The following NSD1 variants were observed in gnomAD, a reference collection of about 807,000 sequenced individuals.
The protein encoded by NSD1 is histone-lysine N-methyltransferase, H3 lysine-36 specific.
NSD1 carries 26 observed loss-of-function variants against 242.7 expected under a neutral mutation model. That is an observed-to-expected ratio of 0.11 (90% CI 0.08 to 0.15). The LOEUF (loss-of-function observed/expected upper bound fraction) is 0.15, where lower values mean the gene tolerates loss of function less well. Among genes scored for constraint, NSD1 ranks in the 10% least tolerant of loss-of-function variants. NSD1 has a pLI of 1.00. For synonymous variants in NSD1, 1,106 were observed against 1,178.1 expected, an observed-to-expected ratio of 0.94 and a Z score of 1.25; for missense variants, 2,495 against 3,272.8, an observed-to-expected ratio of 0.76 and a Z score of 5.80.
intron 5 of NSD1, among the ~76,000 whole-genome samples, chr5:177,215,054 A>G (rs978945172): frequency 6.6e-6 from 1 of 152,186 alleles, no homozygotes; most frequent in African/African-American, 2.4e-5. Flanking sequence ...TCTTTTCCAT[A>G]CTAAAGCATC....
At chr5:177,273,977 G>A (rs1331862838) in intron 17 of NSD1, among the ~76,000 whole-genome samples, 193 bp downstream of exon 17, 4 of 152,112 alleles carry the variant, frequency 2.6e-5, no homozygotes, top group African/African-American at 4.8e-5. Flanking sequence ...AGGCCGAGGC[G>A]GGCGGATCAC....
intron 10 of NSD1, among the ~76,000 whole-genome samples, chr5:177,247,168 G>A (rs1766363678): frequency 6.6e-6 from 1 of 152,160 alleles, no homozygotes; most frequent in Non-Finnish European, 1.5e-5. Context: ...TGTGGCTCAC[G>A]CCTGTAATCC....
chr5:177,283,578 C>T (rs1308326652), intron 19 of NSD1, among the ~76,000 whole-genome samples: 2 of 152,186 alleles, frequency 1.3e-5, no homozygotes, highest in Non-Finnish European at 2.9e-5. Context: ...GAAGCACAAC[C>T]CAGGAATTTG....
chr5:177,260,545 ACCATG>A (rs1756920057), intron 14 of NSD1, among the ~76,000 whole-genome samples: 1 of 151,844 alleles, frequency 6.6e-6, no homozygotes, highest in Admixed American at 6.6e-5. Context: ...ACAGGGTTTT[ACCATG>A]TTGGCCAGGC....
intron 3 of NSD1, among the ~76,000 whole-genome samples, chr5:177,195,424 A>T (rs1002067380): frequency 6.6e-6 from 1 of 151,890 alleles, no homozygotes; most frequent in Non-Finnish European, 1.5e-5. Flanking sequence ...CCCTGTCCCT[A>T]TGACTGCTGG....
rs371775975 is a variant in NSD1 at position 177,209,813 on chromosome 5, C to T, written c.1414C>T (p.Leu472Phe). 8.1e-6 allele frequency: 13 copies of T among 1,614,004 alleles called. No individual in the cohort carries two copies. The African/African-American group carries it at 1.6e-4, about 20-fold the overall frequency. The change falls in exon 5 of 23, where the codon CTT becomes TTT. Residue 472 changes from leucine (L) to phenylalanine (F), a missense_variant. Physicochemically the swap from Leu to Phe is conservative, Grantham distance 22. Around this residue, in one of 19 missense-constraint regions of NSD1, gnomAD observed 515 missense variants for 467.0 expected, o/e 1.10. Coordinates refer to ENST00000439151, the MANE Select transcript of NSD1 (RefSeq NM_022455.5). ...TCCTGAGTCAGAACATGACCTGTTGCTTAATGGCTGTTTGAAATCACTGGC... is the reference window on the plus strand; with the variant it reads ...TCCTGAGTCAGAACATGACCTGTTGTTTAATGGCTGTTTGAAATCACTGGC... ...NDPESEHDLLLNGCLKSLAFD... is the reference protein window; with the variant it reads ...NDPESEHDLLFNGCLKSLAFD...
At chr5:177,149,858 T>C (rs1256359530) in intron 2 of NSD1, among the ~76,000 whole-genome samples, 3 of 152,148 alleles carry the variant, frequency 2.0e-5, no homozygotes, top group African/African-American at 7.2e-5. Context: ...ACCAGTACCA[T>C]TCTGTGGCCT....
intron 2 of NSD1, among the ~76,000 whole-genome samples, chr5:177,188,366 A>G (rs576260647): frequency 2.6e-5 from 4 of 152,314 alleles, no homozygotes; most frequent in Non-Finnish European, 2.9e-5. Flanking sequence ...CTTATTGTCT[A>G]TGAACGAAAG....
At chr5:177,253,939 A>ATTTTCTT (rs1756211501) in intron 12 of NSD1, among the ~76,000 whole-genome samples, 1 of 151,888 alleles carries the variant, frequency 6.6e-6, no homozygotes, top group South Asian at 2.1e-4. Flanking sequence ...TCCTGGCCAC[A>ATTTTCTT]TTTTCTTTTT....
intron 2 of NSD1, among the ~76,000 whole-genome samples, chr5:177,157,717 C>A (rs1014375572): frequency 1.3e-5 from 2 of 152,170 alleles, no homozygotes; most frequent in Non-Finnish European, 2.9e-5. Context: ...AATTCCAGAA[C>A]CTTTCATCAC....
intron 5 of NSD1, among the ~76,000 whole-genome samples, chr5:177,227,637 C>T (rs1255872297): frequency 1.3e-5 from 2 of 152,038 alleles, no homozygotes; most frequent in Admixed American, 6.6e-5. Flanking sequence ...GACAGGGTTT[C>T]GCCTGTTGGC....
rs1760217226 is a variant in NSD1 at position 177,295,760 on chromosome 5, C to T, written c.*301C>T. 2.0e-6 allele frequency: 1 copy of T among 511,430 alleles called. No homozygotes were observed. The highest frequency in any genetic ancestry group is 3.2e-5 in the Admixed American group (1 of 31,074). 31.7% of individuals were successfully genotyped at this position (511,430 alleles called of 1,614,324 possible). A position where few individuals can be genotyped will look rare whatever the true frequency, so the allele number is the denominator to read the frequency against. Reference sequence around the variant, plus strand: ...TGAAATAAAAAGTCCACTCTGGAGTCAAGTATGGAATTCAATTCCGCTGGT... The same window carrying T: ...TGAAATAAAAAGTCCACTCTGGAGTTAAGTATGGAATTCAATTCCGCTGGT... On this transcript the variant is annotated 3_prime_UTR_variant, in exon 23 of 23. Transcript: ENST00000439151. This position sits in a 1 kb window ranked among gnomAD's most constrained non-coding sequence, Gnocchi z 4.3.
At chr5:177,189,827 T>G (rs975788632) in intron 2 of NSD1, among the ~76,000 whole-genome samples, 2 of 152,210 alleles carry the variant, frequency 1.3e-5, no homozygotes, top group African/African-American at 2.4e-5. Flanking sequence ...TGGAACCTAC[T>G]CAGATTGCAG....
At chr5:177,204,357 C>A in intron 4 of NSD1, 65 bp downstream of exon 4, 1 of 1,451,360 alleles carries the variant, frequency 6.9e-7, no homozygotes, top group Non-Finnish European at 9.6e-7. Context: ...AGAAAATGGC[C>A]TCTTATTTAT....
In NSD1 at chr5:177,152,235, G is replaced by A. The variant is rs1562121923; in HGVS notation, c.927+16205G>A. Among the ~76,000 whole-genome samples the A allele has an allele frequency of 2.0e-5, 3 of 150,950 alleles. No homozygotes were observed. The South Asian group carries it at 6.3e-4, about 32-fold the overall frequency. On this transcript the variant is annotated intron_variant, in intron 2 of 22. Coordinates refer to ENST00000439151, the MANE Select transcript of NSD1 (RefSeq NM_022455.5). ...TCCCTAGGCTAGTCTTTAATTCTTGGGTTCAAGTGGTCCTCCTGCCTCGGC... is the reference window on the plus strand; with the variant it reads ...TCCCTAGGCTAGTCTTTAATTCTTGAGTTCAAGTGGTCCTCCTGCCTCGGC...
intron 10 of NSD1, among the ~76,000 whole-genome samples, chr5:177,247,366 G>A (rs1766382113): frequency 1.3e-5 from 2 of 152,184 alleles, no homozygotes; most frequent in African/African-American, 4.8e-5. Flanking sequence ...GGCAGAGGTT[G>A]TAGTGAGCCG....
intron 12 of NSD1, among the ~76,000 whole-genome samples, chr5:177,255,613 CCTT>C (rs1462155004): frequency 6.6e-6 from 1 of 151,978 alleles, no homozygotes; most frequent in Non-Finnish European, 1.5e-5. Context: ...GAGACAGTCT[CCTT>C]CTGTGGCCCA....
rs528550894 is a variant in NSD1, at chr5:177,297,008, C to G, written c.*1549C>G. 4.3e-6 allele frequency: 1 copy of G among 233,308 alleles called. No homozygotes were observed. Among genetic ancestry groups the G allele is most frequent in the African/African-American group, 2.2e-5 (1 of 45,480 alleles). The allele number at this position is 233,308 out of a possible 1,614,324, so 14.5% of individuals were successfully genotyped here. A position where few individuals can be genotyped will look rare whatever the true frequency, so the allele number is the denominator to read the frequency against. On this transcript the variant is annotated 3_prime_UTR_variant, in exon 23 of 23. Transcript: ENST00000439151. ...ATTCTGTATTTGGTCCCAATTTCCT[C>G]AAGTTCTTATTGAGGTTACTCCCAT...
chr5:177,217,723 A>G (rs1340374787), intron 5 of NSD1, among the ~76,000 whole-genome samples: 1 of 140,328 alleles, frequency 7.1e-6, no homozygotes, highest in Non-Finnish European at 1.5e-5. Flanking sequence ...GATGGAGTGC[A>G]GTGGCGCGAT....
Sources: allele counts gnomAD v4.1 joint callset (sites outside exome capture counted in the v4.1 genomes callset), GRCh38; gene constraint gnomAD v4.1.1; regional missense constraint gnomAD v4.1.1; non-coding constraint Gnocchi (gnomAD v3.1); transcripts MANE v1.5; gene names NCBI Gene and HGNC (gene_info 2026-07-23, HGNC 2026-07-21).